SGCZ: variants seen among roughly 807,000 people sequenced by gnomAD.
SGCZ encodes the protein zeta-sarcoglycan.
SGCZ carries 40 observed loss-of-function variants against 41.3 expected under a neutral mutation model. That is an observed-to-expected ratio of 0.97 (90% CI 0.75 to 1.26). The LOEUF is 1.26. SGCZ is among the 50% of genes most tolerant of loss of function. The probability of loss-of-function intolerance (pLI) is 0.00; values close to 1 mark genes in which losing one functional copy is unlikely to be tolerated. For synonymous variants in SGCZ, 206 were observed against 137.5 expected (o/e 1.50, Z -3.49); for missense variants, 552 against 369.8 (o/e 1.49, Z -4.04).
chr8:15,196,756 G>A (rs1469731028), intron 1 of SGCZ, among the ~76,000 whole-genome samples: 1 of 152,138 alleles, frequency 6.6e-6, no homozygotes, highest in African/African-American at 2.4e-5. Flanking sequence ...TCTAGCATTA[G>A]GTATATCTAA....
intron 2 of SGCZ, among the ~76,000 whole-genome samples, chr8:14,429,105 A>G (rs985307862): frequency 6.6e-6 from 1 of 152,226 alleles, no homozygotes; most frequent in African/African-American, 2.4e-5. Context: ...AGATCACAGA[A>G]CATTATAGTC....
At chr8:14,280,087 T>C (rs1361008261) in intron 3 of SGCZ, among the ~76,000 whole-genome samples, 1 of 151,894 alleles carries the variant, frequency 6.6e-6, no homozygotes, top group Non-Finnish European at 1.5e-5. Context: ...GGGATTAAGT[T>C]TGAATTAGGA....
chr8:14,284,005 G>A (rs757175564), intron 3 of SGCZ, among the ~76,000 whole-genome samples: 2 of 152,174 alleles, frequency 1.3e-5, no homozygotes, highest in African/African-American at 2.4e-5. Context: ...TTAGGCATAT[G>A]TAAATTTAAG....
chr8:14,766,727 A>ATTTTTTT (rs33955290), intron 1 of SGCZ, among the ~76,000 whole-genome samples: 69 of 92,752 alleles, frequency 7.4e-4, no homozygotes, highest in East Asian at 9.4e-4. Context: ...ATGTCCAGCT[A>ATTTTTTT]TTTTTTTTTT....
chr8:14,897,003 C>T (rs373772535), intron 1 of SGCZ, among the ~76,000 whole-genome samples: 2 of 151,284 alleles, frequency 1.3e-5, no homozygotes, highest in African/African-American at 2.4e-5. Flanking sequence ...AGGCTGGTCT[C>T]GAACTCCTGA....
chr8:14,368,444 G>GT (rs1803793975), intron 2 of SGCZ, among the ~76,000 whole-genome samples: 1 of 152,064 alleles, frequency 6.6e-6, no homozygotes, highest in South Asian at 2.1e-4. Flanking sequence ...GATGAAATAA[G>GT]TACATGAATT....
At chr8:14,184,230 G>T (rs978118204) in intron 4 of SGCZ, among the ~76,000 whole-genome samples, 2 of 152,086 alleles carry the variant, frequency 1.3e-5, no homozygotes, top group African/African-American at 4.8e-5. Flanking sequence ...GTTTTACATG[G>T]GCAAATGTGT....
intron 4 of SGCZ, among the ~76,000 whole-genome samples, chr8:14,174,087 A>G (rs1804470332): frequency 6.6e-6 from 1 of 152,140 alleles, no homozygotes; most frequent in African/African-American, 2.4e-5. Flanking sequence ...CAAAATATAT[A>G]GAATAAATAG....
At chr8:14,712,527 G>C (rs541893355) in intron 1 of SGCZ, among the ~76,000 whole-genome samples, 1 of 152,166 alleles carries the variant, frequency 6.6e-6, no homozygotes, top group East Asian at 1.9e-4. Context: ...GCTTCATTTG[G>C]GGAAAAATAT....
chr8:14,399,518 T>C (rs781144872), intron 2 of SGCZ, among the ~76,000 whole-genome samples: 15 of 151,900 alleles, frequency 9.9e-5, no homozygotes, highest in Non-Finnish European at 1.9e-4. Flanking sequence ...AGATGATTTG[T>C]TAAAGAAAAA....
In SGCZ at chr8:15,101,594, T is replaced by C. The variant is rs142098737; in HGVS notation, c.39+135991A>G. On this transcript the variant is annotated intron_variant, in intron 1 of 7. Transcript: ENST00000382080. ...CTGACACCATCAAATGCTGGTGAAG[T>C]GGAACAATAGAAATTCTCATTCACT... is the stretch of plus-strand genomic sequence containing the variant. Among the ~76,000 whole-genome samples, 793 of 152,148 alleles carry C rather than the reference T, an allele frequency of 5.2e-3. 1 individual carries two copies. The highest frequency in any genetic ancestry group is 7.8e-3 in the Non-Finnish European group (530 of 67,988).
chr8:14,327,699 T>C (rs560663386), intron 2 of SGCZ, among the ~76,000 whole-genome samples: 11 of 152,344 alleles, frequency 7.2e-5, no homozygotes, highest in African/African-American at 2.4e-4. Flanking sequence ...TTATATTTTC[T>C]ACTTAATATA....
At position 15,008,350 on chromosome 8, in the gene SGCZ, C is replaced by A. The variant is rs73665365; in HGVS notation, c.39+229235G>T. On this transcript the variant is annotated intron_variant, in intron 1 of 7. Transcript: ENST00000382080. ...GATATTTTCATTGTTTTAGTTGTTT[C>A]ATTTTTATTTTTTATTGAAGGAGCC... is the stretch of plus-strand genomic sequence containing the variant. Among the ~76,000 whole-genome samples the A allele has an allele frequency of 1.9e-3, 291 of 151,738 alleles. 1 individual carries two copies. The highest frequency in any genetic ancestry group is 6.0e-3 in the African/African-American group (250 of 41,340).
intron 1 of SGCZ, among the ~76,000 whole-genome samples, chr8:14,823,836 G>A (rs7824413): frequency 0.31 from 47,751 of 151,956 alleles, 10,698 homozygotes; most frequent in African/African-American, 0.61. Context: ...TGAGCATGCA[G>A]TAACAGATGA....
chr8:14,509,074 A>G (rs1267836935), intron 2 of SGCZ, among the ~76,000 whole-genome samples: 2 of 152,170 alleles, frequency 1.3e-5, no homozygotes, highest in Admixed American at 1.3e-4. Context: ...TGGGATTAAC[A>G]TAATAGAGAA....
chr8:14,172,404 T>A (rs1473906024), intron 4 of SGCZ, among the ~76,000 whole-genome samples: 1 of 152,180 alleles, frequency 6.6e-6, no homozygotes, highest in African/African-American at 2.4e-5. Flanking sequence ...AAATGAAAAT[T>A]ACATTGCCTG....
chr8:14,907,897 C>T (rs1045172041), intron 1 of SGCZ, among the ~76,000 whole-genome samples: 4 of 152,012 alleles, frequency 2.6e-5, no homozygotes, highest in African/African-American at 9.7e-5. Context: ...AACAAATAAC[C>T]ATTTGAGGAG....
chr8:14,243,736 A>C (rs1798975228), intron 3 of SGCZ, among the ~76,000 whole-genome samples: 1 of 152,122 alleles, frequency 6.6e-6, no homozygotes, highest in African/African-American at 2.4e-5. Flanking sequence ...AAAAGTATAG[A>C]CATTTTTCCA....
chr8:14,503,407 C>A (rs1263080275), intron 2 of SGCZ, among the ~76,000 whole-genome samples: 1 of 152,210 alleles, frequency 6.6e-6, no homozygotes, highest in South Asian at 2.1e-4. Context: ...AACAAACCTG[C>A]ACATTCTGCA....
Sources: gnomAD v4.1 joint callset for allele counts (sites outside exome capture counted in the v4.1 genomes callset) on GRCh38, gnomAD v4.1.1 for gene constraint, MANE v1.5 for transcripts, NCBI Gene and HGNC (gene_info 2026-07-23, HGNC 2026-07-21) for gene names.